The following PCID2 variants were observed in gnomAD, a reference collection of about 807,000 sequenced individuals.
The protein encoded by PCID2 is PCI domain containing 2, also known as PCI domain-containing protein 2.
A neutral mutation model predicts 61.3 loss-of-function variants in PCID2; 41 were observed. The observed-to-expected ratio is 0.67, with a 90% CI of 0.52 to 0.87. The LOEUF is 0.87. Among genes scored for constraint, PCID2 ranks in the 40% least tolerant of loss-of-function variants. The probability of loss-of-function intolerance (pLI) is 0.00; values close to 1 mark genes in which losing one functional copy is unlikely to be tolerated. For synonymous variants in PCID2, 187 were observed against 177.8 expected, an observed-to-expected ratio of 1.05 and a Z score of -0.41; for missense variants, 392 against 493.4, an observed-to-expected ratio of 0.79 and a Z score of 1.95.
chr13:113,194,050 T>C (rs2038817696), intron 6 of PCID2, among the ~76,000 whole-genome samples: 1 of 152,130 alleles, frequency 6.6e-6, no homozygotes, highest in African/African-American at 2.4e-5. Flanking sequence ...GAGAAACAGG[T>C]GCATCCCCTT....
chr13:113,177,276 T>TA (rs2037215246), downstream of PCID2, among the ~76,000 whole-genome samples: 1 of 152,176 alleles, frequency 6.6e-6, no homozygotes, highest in Non-Finnish European at 1.5e-5. Flanking sequence ...TAGCTGGAAT[T>TA]ACAGGTATGC....
At chr13:113,208,100 G>T (rs1187674071) in intron 1 of PCID2, 2 of 1,611,882 alleles carry the variant, frequency 1.2e-6, no homozygotes. Flanking sequence ...AGTGAAGGGC[G>T]TTAAACGACA....
chr13:113,179,173 CG>C lies in PCID2; in HGVS notation c.987-85del. ...CAAGAAAAGGCACCTCTTAATAAGCCGGTGTTCTAAAGGAGTAAAAAAATTC... is the reference window on the plus strand; with the variant it reads ...CAAGAAAAGGCACCTCTTAATAAGCCGTGTTCTAAAGGAGTAAAAAAATTC... On this transcript the variant is annotated intron_variant, in intron 12 of 13. Transcript: ENST00000337344. The surrounding 1 kb of genome is among the most constrained non-coding windows in gnomAD (Gnocchi z 4.3). 1 of 1,289,968 alleles carries C rather than the reference CG, an allele frequency of 7.8e-7. No homozygotes were observed. Among genetic ancestry groups the C allele is most frequent in the African/African-American group, 1.5e-5 (1 of 67,692 alleles). The allele number at this position is 1,289,968 out of a possible 1,614,324, so 79.9% of individuals were successfully genotyped here.
rs1159167822 is a variant in PCID2 at position 113,183,851 on chromosome 13, G to A, written c.685+495C>T. 9.1e-6 allele frequency: 9 copies of A among 985,304 alleles called. No individual in the cohort carries two copies. In the African/African-American group the frequency reaches 1.6e-4, roughly 17 times the overall value. The allele number at this position is 985,304 out of a possible 1,614,324, so 61.0% of individuals were successfully genotyped here. A position where few individuals can be genotyped will look rare whatever the true frequency, so the allele number is the denominator to read the frequency against. ...CACGCCGTGCGAGGCTGTTTAAACA[G>A]GAGCTCTGTGGTAGCGACACACTGC... On this transcript the variant is annotated intron_variant, in intron 9 of 13. Transcript: ENST00000337344.
intron 4 of PCID2, 79 bp downstream of exon 4, chr13:113,197,099 G>T (rs1235369061): frequency 6.2e-7 from 1 of 1,614,218 alleles, no homozygotes; most frequent in Non-Finnish European, 8.5e-7. Context: ...AACTGGCCCA[G>T]TGTTTCCGGG....
Position 113,185,574 on chromosome 13 carries a change from ATTTTT to A in PCID2, c.468-19_468-15del, listed in dbSNP as rs768926484. On this transcript the variant is annotated splice_polypyrimidine_tract_variant and intron_variant, in intron 7 of 13. Coordinates refer to ENST00000337344, the MANE Select transcript of PCID2 (RefSeq NM_001127202.4). ...ATACCAGCACGGCTATGGGGAAATA[ATTTTT>A]TTTAAGTTACATAGGAAATAAAAAT... 1 of 1,568,194 alleles carries A rather than the reference ATTTTT, an allele frequency of 6.4e-7. No individual in the cohort carries two copies. Among genetic ancestry groups the A allele is most frequent in the Non-Finnish European group, 8.7e-7 (1 of 1,144,050 alleles).
In PCID2 at chr13:113,178,243, C is replaced by T. The variant is rs2037285637; in HGVS notation, c.1155G>A (p.Val385=). ...GAGGAAATGGGTTCTGCTTGCTGACCACCAGCTTCTGATGCTGATGCGATA... is the reference window on the plus strand; with the variant it reads ...GAGGAAATGGGTTCTGCTTGCTGACTACCAGCTTCTGATGCTGATGCGATA... ...GYISHQHQKL[V]VSKQNPFPPL... The change falls in exon 14 of 14, where the codon GTG becomes GTA. Residue 385 remains valine, a synonymous_variant. Transcript: ENST00000337344. 6.2e-7 allele frequency: 1 copy of T among 1,613,864 alleles called. No individual in the cohort carries two copies. Among genetic ancestry groups the T allele is most frequent in the South Asian group, 1.1e-5 (1 of 91,058 alleles).
Position 113,208,584 on chromosome 13 carries a change from C to G in PCID2, c.36+15G>C. 1.2e-6 allele frequency: 2 copies of G among 1,607,316 alleles called. No individual in the cohort carries two copies. ...GGCCAACCACGCCGCCGCGCGCTCC[C>G]CGGCTAGGACCCACCTGCTGCAGGT... On this transcript the variant is annotated intron_variant, in intron 1 of 13. Transcript: ENST00000337344.
downstream of PCID2, among the ~76,000 whole-genome samples, chr13:113,177,317 A>G (rs1276373081): frequency 6.6e-6 from 1 of 151,284 alleles, no homozygotes; most frequent in African/African-American, 2.4e-5. Context: ...TTGTATTTTT[A>G]GTAGAGACGG....
chr13:113,197,555 G>C (rs1053736386), intron 3 of PCID2, among the ~76,000 whole-genome samples: 2 of 152,186 alleles, frequency 1.3e-5, no homozygotes, highest in Non-Finnish European at 2.9e-5. Flanking sequence ...TTCCCAGCTG[G>C]GTAATGTCAG....
chr13:113,165,158 ATGAC>A, the PCID2 span: 1 of 1,574,070 alleles, frequency 6.4e-7, no homozygotes, highest in South Asian at 1.1e-5. Flanking sequence ...ATTTATTGTT[ATGAC>A]TTTCACCTCA....
chr13:113,177,459 A>G (rs1020695790), downstream of PCID2: 2 of 152,250 alleles, frequency 1.3e-5, no homozygotes, highest in Admixed American at 1.3e-4. Flanking sequence ...TATAAAATAA[A>G]ATCGGCTTTG....
chr13:113,191,556 T>C (rs2038618587), intron 6 of PCID2, among the ~76,000 whole-genome samples: 1 of 152,266 alleles, frequency 6.6e-6, no homozygotes, highest in Non-Finnish European at 1.5e-5. Context: ...AACTAAGCTC[T>C]CTCTTCAGTC....
intron 1 of PCID2, among the ~76,000 whole-genome samples, chr13:113,202,266 T>C (rs945689284): frequency 6.6e-6 from 1 of 152,230 alleles, no homozygotes; most frequent in African/African-American, 2.4e-5. Flanking sequence ...TACCCCATTG[T>C]TCAACTCAGG....
chr13:113,205,524 AAAGAATACAAAACCTGCGC>A (rs1474598275), intron 1 of PCID2, among the ~76,000 whole-genome samples: 1 of 152,266 alleles, frequency 6.6e-6, no homozygotes, highest in African/African-American at 2.4e-5. Flanking sequence ...TATATGCCAA[AAAGAATACAAAACCTGCGC>A]AAGAATGTTC....
intron 3 of PCID2, among the ~76,000 whole-genome samples, chr13:113,197,603 T>G (rs1479143208): frequency 6.6e-6 from 1 of 152,218 alleles, no homozygotes; most frequent in African/African-American, 2.4e-5. Flanking sequence ...TATCGCACAC[T>G]GCACAGAGCT....
rs767211410 is a variant in PCID2, at chr13:113,196,274, G to A, written c.267-52C>T. The A allele has an allele frequency of 1.3e-5, 17 of 1,326,872 alleles. No individual in the cohort carries two copies. The African/African-American group carries it at 1.3e-4, about 10-fold the overall frequency. 82.2% of individuals were successfully genotyped at this position (1,326,872 alleles called of 1,614,324 possible). A position where few individuals can be genotyped will look rare whatever the true frequency, so the allele number is the denominator to read the frequency against. ...ACAAAGTTCAAATAATGCTACGTAC[G>A]ATAAAAGTAAAGAATAAGAATCTAA... On this transcript the variant is annotated intron_variant, in intron 4 of 13. Transcript: ENST00000337344.
intron 13 of PCID2, 143 bp downstream of exon 13, chr13:113,178,823 G>T: frequency 1.5e-6 from 1 of 683,850 alleles, no homozygotes; most frequent in Non-Finnish European, 2.4e-6. Context: ...CTGGTGAATG[G>T]TATTTCCTGG....
At chr13:113,197,861 C>T (rs2039137131) in intron 3 of PCID2, among the ~76,000 whole-genome samples, 1 of 152,168 alleles carries the variant, frequency 6.6e-6, no homozygotes. Context: ...TTGCTTTGCT[C>T]AACTCTAATT....
Sources: gnomAD v4.1 joint callset for allele counts (sites outside exome capture counted in the v4.1 genomes callset) on GRCh38, gnomAD v4.1.1 for gene constraint, Gnocchi (gnomAD v3.1) non-coding constraint, MANE v1.5 for transcripts, NCBI Gene and HGNC (gene_info 2026-07-23, HGNC 2026-07-21) for gene names.